DIS3L2: variants seen among roughly 807,000 people sequenced by gnomAD.
DIS3L2 encodes DIS3-like exonuclease 2.
In DIS3L2, 34 loss-of-function variants were observed where a neutral mutation model predicts 97.5. That is an observed-to-expected ratio of 0.35 (90% CI 0.27 to 0.46). The LOEUF (loss-of-function observed/expected upper bound fraction) is 0.46, where lower values mean the gene tolerates loss of function less well. Among genes scored for constraint, DIS3L2 ranks in the 20% least tolerant of loss-of-function variants. DIS3L2 has a pLI of 1.00. For synonymous variants in DIS3L2, 435 were observed against 445.2 expected (o/e 0.98, Z 0.29); for missense variants, 1,038 against 1,146.0 (o/e 0.91, Z 1.36).
intron 8 of DIS3L2, among the ~76,000 whole-genome samples, chr2:232,147,512 C>T (rs1690251685): frequency 6.6e-6 from 1 of 151,968 alleles, no homozygotes; most frequent in South Asian, 2.1e-4. Flanking sequence ...CTTTAGATTC[C>T]TCTTGACTAT....
chr2:232,212,640 AAAGGC>A (rs1463145769), intron 10 of DIS3L2, among the ~76,000 whole-genome samples: 12 of 152,228 alleles, frequency 7.9e-5, no homozygotes, highest in Non-Finnish European at 1.8e-4. Flanking sequence ...TGGACAATGG[AAAGGC>A]AAGCAGATGT....
At chr2:232,310,505 C>T (rs1695095216) in intron 14 of DIS3L2, among the ~76,000 whole-genome samples, 1 of 152,250 alleles carries the variant, frequency 6.6e-6, no homozygotes, top group African/African-American at 2.4e-5. Flanking sequence ...ATGGCCGTGG[C>T]TCTCTATGCT....
In DIS3L2 at chr2:232,325,166, C is replaced by T. The variant is rs184955556; in HGVS notation, c.1740-4647C>T. ...GGGTGAGAGCAGCCTTTCCCAGCAT[C>T]GTCCTTTAAGATGCGACAGAAACAG... On this transcript the variant is annotated intron_variant, in intron 14 of 20. Coordinates refer to ENST00000325385, the MANE Select transcript of DIS3L2 (RefSeq NM_152383.5). The surrounding 1 kb of genome is among the most constrained non-coding windows in gnomAD (Gnocchi z 4.6). 3.3e-5 allele frequency among the ~76,000 whole-genome samples: 5 copies of T among 152,350 alleles called. No homozygotes were observed. The highest frequency in any genetic ancestry group is 9.6e-5 in the African/African-American group (4 of 41,580).
intron 10 of DIS3L2, among the ~76,000 whole-genome samples, chr2:232,214,597 G>A (rs1443612601): frequency 6.6e-6 from 1 of 152,150 alleles, no homozygotes; most frequent in African/African-American, 2.4e-5. Context: ...ATGTCATGGA[G>A]TCACTTCTGC....
intron 1 of DIS3L2, among the ~76,000 whole-genome samples, chr2:231,989,858 C>T (rs530271903): frequency 4.9e-4 from 74 of 152,048 alleles, no homozygotes; most frequent in African/African-American, 1.5e-3. Flanking sequence ...ACAACAACAA[C>T]AAAAAGATAA....
At chr2:231,966,563 C>G (rs1408059578) in intron 1 of DIS3L2, among the ~76,000 whole-genome samples, 5 of 149,954 alleles carry the variant, frequency 3.3e-5, no homozygotes, top group South Asian at 2.1e-4. Context: ...CTCCCAGGCT[C>G]GAGTGATCTT....
At chr2:232,261,785 C>A (rs945834074) in intron 12 of DIS3L2, among the ~76,000 whole-genome samples, 3 of 152,152 alleles carry the variant, frequency 2.0e-5, no homozygotes, top group African/African-American at 7.2e-5. Context: ...CATACACTTG[C>A]GGTTTAGAGA....
chr2:232,149,333 G>A (rs1440546075), intron 8 of DIS3L2, among the ~76,000 whole-genome samples: 2 of 134,710 alleles, frequency 1.5e-5, no homozygotes, highest in African/African-American at 2.8e-5. Context: ...ATCTCCCAAT[G>A]CTATCCCTCC....
intron 13 of DIS3L2, among the ~76,000 whole-genome samples, chr2:232,283,577 C>G (rs935829497): frequency 3.9e-5 from 6 of 152,118 alleles, no homozygotes; most frequent in African/African-American, 1.4e-4. Context: ...CAGTCTATTT[C>G]TTATTCTGCT....
chr2:232,140,605 A>G (rs1698484133), intron 8 of DIS3L2, among the ~76,000 whole-genome samples: 1 of 152,226 alleles, frequency 6.6e-6, no homozygotes, highest in South Asian at 2.1e-4. Context: ...AGGCACAGAT[A>G]TTTAACAGAA....
At chr2:232,340,966 T>C (rs1002809187), downstream of DIS3L2, 3 of 469,742 alleles carry the variant, frequency 6.4e-6, no homozygotes, top group East Asian at 2.1e-4. Context: ...AAATGATGAA[T>C]GCCTTCCTGG....
intron 13 of DIS3L2, among the ~76,000 whole-genome samples, chr2:232,270,912 C>CTCTCTCTCTG (rs1559185348): frequency 1.6e-5 from 2 of 121,236 alleles, no homozygotes; most frequent in African/African-American, 6.1e-5. Flanking sequence ...CTCTCTCTCT[C>CTCTCTCTCTG]TCTGTCTCGT....
At chr2:232,232,059 C>T (rs1321090066) in intron 10 of DIS3L2, among the ~76,000 whole-genome samples, 2 of 152,148 alleles carry the variant, frequency 1.3e-5, no homozygotes, top group East Asian at 3.9e-4. Context: ...ATGGGAGCCC[C>T]ATCACAGTGT....
At chr2:232,336,198 C>A in intron 20 of DIS3L2, 1 of 1,533,716 alleles carries the variant, frequency 6.5e-7, no homozygotes. Flanking sequence ...TTGTCTGGAA[C>A]CGTTTTCACC....
chr2:232,018,007 T>A (rs1171371965), intron 3 of DIS3L2, among the ~76,000 whole-genome samples: 1 of 152,238 alleles, frequency 6.6e-6, no homozygotes, highest in Non-Finnish European at 1.5e-5. Flanking sequence ...TGACTGTTGC[T>A]TAATACATTT....
At chr2:232,059,374 C>A (rs1326894081) in intron 5 of DIS3L2, among the ~76,000 whole-genome samples, 1 of 152,186 alleles carries the variant, frequency 6.6e-6, no homozygotes, top group African/African-American at 2.4e-5. Flanking sequence ...TGTACTATCA[C>A]AAGGCTCGCC....
chr2:232,030,952 A>G (rs879432044), intron 5 of DIS3L2, among the ~76,000 whole-genome samples: 14 of 152,110 alleles, frequency 9.2e-5, no homozygotes, highest in Admixed American at 9.2e-4. Context: ...TTCTTCAATA[A>G]TACGTGTTAT....
chr2:232,287,946 T>A (rs1694490882), intron 13 of DIS3L2, among the ~76,000 whole-genome samples: 2 of 152,182 alleles, frequency 1.3e-5, no homozygotes, highest in Admixed American at 1.3e-4. Flanking sequence ...CCCATAGGTG[T>A]CCCTTCCAGA....
intron 9 of DIS3L2, among the ~76,000 whole-genome samples, chr2:232,176,359 G>A (rs2106179449): frequency 6.6e-6 from 1 of 151,930 alleles, no homozygotes; most frequent in Non-Finnish European, 1.5e-5. Context: ...CTCTGTTTTG[G>A]TCAGCTTAGC....
Sources: allele counts gnomAD v4.1 joint callset (sites outside exome capture counted in the v4.1 genomes callset), GRCh38; gene constraint gnomAD v4.1.1; non-coding constraint Gnocchi (gnomAD v3.1); transcripts MANE v1.5; gene names NCBI Gene and HGNC (gene_info 2026-07-23, HGNC 2026-07-21).